FAM135B: variants seen among roughly 807,000 people sequenced by gnomAD.
FAM135B encodes protein FAM135B.
Under a neutral mutation model 127.7 loss-of-function variants are expected in FAM135B, and 43 were observed. That is an observed-to-expected ratio of 0.34 (90% confidence interval 0.26 to 0.43). The LOEUF (loss-of-function observed/expected upper bound fraction) is 0.43. Among genes scored for constraint, FAM135B ranks in the 20% least tolerant of loss-of-function variants. The probability of loss-of-function intolerance (pLI) is 1.00; values close to 1 mark genes in which losing one functional copy is unlikely to be tolerated. For synonymous variants in FAM135B, 670 were observed against 665.1 expected (o/e 1.01, Z -0.11); for missense variants, 1,558 against 1,725.6 (o/e 0.90, Z 1.72).
chr8:138,195,329 T>C, intron 8 of FAM135B, 22 bp from the exon 9 acceptor site: 1 of 1,610,136 alleles, frequency 6.2e-7, no homozygotes, highest in South Asian at 1.1e-5. Flanking sequence ...AAATAAACTG[T>C]GTGATTAAAT....
At chr8:138,441,839 G>C (rs1433057540) in intron 1 of FAM135B, 1 of 151,874 alleles carries the variant, frequency 6.6e-6, no homozygotes, top group East Asian at 1.9e-4. Flanking sequence ...GTAGTCTGAA[G>C]ACTCAAAGAG....
chr8:138,163,639 G>A (rs116523561), intron 12 of FAM135B, among the ~76,000 whole-genome samples: 5,765 of 152,140 alleles, frequency 0.038, 385 homozygotes, highest in East Asian at 0.33. Context: ...TAAGACGTGC[G>A]TTTCACCTTC....
At chr8:138,486,969 T>C (rs573033323) in intron 1 of FAM135B, among the ~76,000 whole-genome samples, 1 of 152,160 alleles carries the variant, frequency 6.6e-6, no homozygotes, top group East Asian at 1.9e-4. Context: ...TTCTTTTCTT[T>C]TTTTTTTTAA....
intron 7 of FAM135B, among the ~76,000 whole-genome samples, chr8:138,239,710 T>C (rs1820582009): frequency 6.6e-6 from 1 of 152,202 alleles, no homozygotes; most frequent in Non-Finnish European, 1.5e-5. Flanking sequence ...GTATGTTCAC[T>C]GCGGCACTAT....
intron 1 of FAM135B, among the ~76,000 whole-genome samples, chr8:138,414,018 C>A (rs1303818817): frequency 5.9e-5 from 9 of 151,540 alleles, no homozygotes; most frequent in Admixed American, 5.9e-4. Context: ...AGTTCTACAA[C>A]CTTGGAAATG....
chr8:138,470,880 C>T (rs1471628492), intron 1 of FAM135B, among the ~76,000 whole-genome samples: 2 of 152,198 alleles, frequency 1.3e-5, no homozygotes, highest in East Asian at 3.8e-4. Flanking sequence ...CAATTTCTCA[C>T]TTATTTTATA....
At chr8:138,265,991 A>G (rs1458626864) in intron 3 of FAM135B, 149 bp from the exon 4 acceptor site, 2 of 744,036 alleles carry the variant, frequency 2.7e-6, no homozygotes, top group East Asian at 2.7e-5. Context: ...ATGAGACCTC[A>G]CCATATGAAT....
intron 1 of FAM135B, among the ~76,000 whole-genome samples, chr8:138,488,018 A>G (rs1815052563): frequency 6.6e-6 from 1 of 151,960 alleles, no homozygotes; most frequent in South Asian, 2.1e-4. Context: ...AAAACAAAAA[A>G]AAAAGACGCC....
intron 6 of FAM135B, among the ~76,000 whole-genome samples, chr8:138,245,919 T>A (rs1263371139): frequency 6.6e-6 from 1 of 152,128 alleles, no homozygotes; most frequent in East Asian, 1.9e-4. Context: ...TTGCTGATAG[T>A]GATATGGGCA....
At chr8:138,480,552 T>C (rs947839415) in intron 1 of FAM135B, among the ~76,000 whole-genome samples, 1 of 151,834 alleles carries the variant, frequency 6.6e-6, no homozygotes, top group Admixed American at 6.6e-5. Flanking sequence ...TAAATAAGTA[T>C]CTCTACTAAA....
Position 138,228,672 on chromosome 8 carries a change from G to A in FAM135B, c.669+14270C>T, listed in dbSNP as rs531369077. Among the ~76,000 whole-genome samples, 6 of 152,182 alleles carry A rather than the reference G, an allele frequency of 3.9e-5. No individual in the cohort carries two copies. In the South Asian group the frequency reaches 6.2e-4, roughly 16 times the overall value. Reference sequence around the variant, plus strand: ...TATGTCATATACCCCACAACTTCTGGTTGCTCTTCGGAATTGACTTTTCTT... The same window carrying A: ...TATGTCATATACCCCACAACTTCTGATTGCTCTTCGGAATTGACTTTTCTT... On this transcript the variant is annotated intron_variant, in intron 7 of 19. Coordinates refer to ENST00000395297, the MANE Select transcript of FAM135B (RefSeq NM_015912.4).
At chr8:138,385,849 A>T (rs1325590610) in intron 1 of FAM135B, among the ~76,000 whole-genome samples, 1 of 152,152 alleles carries the variant, frequency 6.6e-6, no homozygotes, top group African/African-American at 2.4e-5. Flanking sequence ...GGCACAAAGG[A>T]CACATAGAAG....
At chr8:138,196,368 T>C (rs1816626221) in intron 8 of FAM135B, among the ~76,000 whole-genome samples, 1 of 152,162 alleles carries the variant, frequency 6.6e-6, no homozygotes, top group African/African-American at 2.4e-5. Flanking sequence ...AGGATTTGTA[T>C]ATGATGTGAG....
intron 7 of FAM135B, among the ~76,000 whole-genome samples, chr8:138,226,438 C>T (rs149366677): frequency 3.9e-5 from 6 of 152,200 alleles, no homozygotes; most frequent in South Asian, 2.1e-4. Flanking sequence ...AAGGAATTCA[C>T]GTTTAAACTG....
At chr8:138,310,555 G>A (rs1052029815) in intron 3 of FAM135B, among the ~76,000 whole-genome samples, 4 of 152,158 alleles carry the variant, frequency 2.6e-5, no homozygotes, top group Admixed American at 6.5e-5. Flanking sequence ...TCCTACCAGC[G>A]TCCTCCCTGA....
intron 1 of FAM135B, among the ~76,000 whole-genome samples, chr8:138,463,504 C>T (rs529326155): frequency 1.3e-5 from 2 of 152,284 alleles, no homozygotes; most frequent in Admixed American, 6.5e-5. Flanking sequence ...ATCCCAGCTC[C>T]ACCACCTCCA....
chr8:138,344,350 G>A (rs113327192), intron 2 of FAM135B, among the ~76,000 whole-genome samples: 4,108 of 152,182 alleles, frequency 0.027, 171 homozygotes, highest in African/African-American at 0.093. Context: ...GTAACCCGGC[G>A]CCAGCTCGCC....
rs879661469 is a variant in FAM135B at position 138,454,160 on chromosome 8, T to TA, written c.-20+42510dup. Among the ~76,000 whole-genome samples, 203 of 146,176 alleles carry TA rather than the reference T, an allele frequency of 1.4e-3. 2 individuals are homozygous for TA. The highest frequency in any genetic ancestry group is 3.4e-3 in the Admixed American group (50 of 14,610). On this transcript the variant is annotated intron_variant, in intron 1 of 19. Transcript: ENST00000395297. ...CTTTTAAGTCCACTGCTTTTAAAAT[T>TA]AAAAAAAAAAAGTAATTTTGAAAAT...
At position 138,238,533 on chromosome 8, in the gene FAM135B, A is replaced by G. The variant is rs543647416; in HGVS notation, c.669+4409T>C. Among the ~76,000 whole-genome samples, 17 of 152,324 alleles carry G rather than the reference A, an allele frequency of 1.1e-4. No individual in the cohort carries two copies. The East Asian group carries it at 1.7e-3, about 16-fold the overall frequency. On this transcript the variant is annotated intron_variant, in intron 7 of 19. Coordinates refer to ENST00000395297, the MANE Select transcript of FAM135B (RefSeq NM_015912.4). ...AGAGGGGCCAGGGCTAATGAGAAAA[A>G]GACATGGCCTGTCTCAGCAACCCTT...
Sources: allele counts gnomAD v4.1 joint callset (sites outside exome capture counted in the v4.1 genomes callset), GRCh38; gene constraint gnomAD v4.1.1; transcripts MANE v1.5; gene names NCBI Gene and HGNC (gene_info 2026-07-23, HGNC 2026-07-21).